Variants in SLC14A2 observed in about 807,000 individuals in gnomAD.
The protein encoded by SLC14A2 is urea transporter 2.
A neutral mutation model predicts 104.6 loss-of-function variants in SLC14A2; 91 were observed. The observed-to-expected ratio is 0.87, with a 90% confidence interval of 0.73 to 1.04. The LOEUF is 1.04. Ranked by LOEUF, SLC14A2 falls within the 50% of genes least tolerant of loss-of-function variation. The probability of loss-of-function intolerance (pLI) is 0.00; values close to 1 mark genes in which losing one functional copy is unlikely to be tolerated. For missense variants in SLC14A2, 1,189 were observed against 1,156.0 expected (o/e 1.03, Z -0.41); for synonymous variants, 476 against 466.4 (o/e 1.02, Z -0.27).
chr18:45,388,333 A>T (rs1196788031), intron 1 of SLC14A2, among the ~76,000 whole-genome samples: 1 of 152,072 alleles, frequency 6.6e-6, no homozygotes, highest in African/African-American at 2.4e-5. Flanking sequence ...AAGTGCTGGG[A>T]TTACAGGCAT....
intron 1 of SLC14A2, among the ~76,000 whole-genome samples, chr18:45,246,911 G>T (rs2084372765): frequency 6.6e-6 from 1 of 152,048 alleles, no homozygotes; most frequent in Admixed American, 6.5e-5. Flanking sequence ...TCAGAGGAGG[G>T]GAATAAGACT....
chr18:45,415,033 A>T (rs2086261708), intron 1 of SLC14A2, among the ~76,000 whole-genome samples: 1 of 151,862 alleles, frequency 6.6e-6, no homozygotes, highest in Non-Finnish European at 1.5e-5. Context: ...TAAACCAAAA[A>T]GGTTATTTTG....
intron 1 of SLC14A2, among the ~76,000 whole-genome samples, chr18:45,448,805 A>T (rs1285798266): frequency 6.6e-6 from 1 of 152,224 alleles, no homozygotes. Flanking sequence ...AAAGAGACAG[A>T]CTGTATTTGC....
Position 45,624,625 on chromosome 18 carries a change from G to C in SLC14A2, c.-34-6G>C. The C allele has an allele frequency of 6.3e-7, 1 of 1,586,320 alleles. No homozygotes were observed. The highest frequency in any genetic ancestry group is 8.6e-7 in the Non-Finnish European group (1 of 1,164,596). ...TCACTAGCTCTTTCCCTTTCCTTCC[G>C]TCTAGTCCATCGATAGAAGAGTGGC... On this transcript the variant is annotated splice_region_variant and splice_polypyrimidine_tract_variant and intron_variant, in intron 1 of 19. Coordinates refer to ENST00000255226, the MANE Select transcript of SLC14A2 (RefSeq NM_007163.4).
Position 45,672,961 on chromosome 18 carries a change from G to C in SLC14A2, c.2291G>C (p.Gly764Ala), listed in dbSNP as rs746143236. 6 of 1,614,158 alleles carry C rather than the reference G, an allele frequency of 3.7e-6. No homozygotes were observed. Among genetic ancestry groups the C allele is most frequent in the Non-Finnish European group, 5.1e-6 (6 of 1,180,012 alleles). The change falls in exon 17 of 20, where the codon GGA (glycine) becomes GCA (alanine). Residue 764 changes from glycine (G) to alanine (A), a missense_variant. Gly to Ala is a moderately conservative substitution (Grantham distance 60, BLOSUM62 0). Transcript: ENST00000255226. ...QVYGCDNPWT[G>A]GIFLIALFIS... ...TACGGCTGTGATAACCCCTGGACTG[G>C]AGGCATCTTCCTCATAGCTCTGTTC...
intron 1 of SLC14A2, among the ~76,000 whole-genome samples, chr18:45,409,539 G>A (rs1399151066): frequency 1.3e-5 from 2 of 152,064 alleles, no homozygotes. Flanking sequence ...TTATAACTTT[G>A]ATAGTGAAAA....
chr18:45,574,372 C>T (rs1203582064), intron 2 of SLC14A2, among the ~76,000 whole-genome samples: 1 of 152,072 alleles, frequency 6.6e-6, no homozygotes, highest in Non-Finnish European at 1.5e-5. Context: ...CCAGAATATC[C>T]CATAGGTCTT....
At chr18:45,294,713 A>G (rs1338255921) in intron 1 of SLC14A2, among the ~76,000 whole-genome samples, 2 of 152,252 alleles carry the variant, frequency 1.3e-5, no homozygotes, top group Admixed American at 1.3e-4. Flanking sequence ...CTCTTCAGAA[A>G]GAAACACACC....
intron 1 of SLC14A2, among the ~76,000 whole-genome samples, chr18:45,353,755 G>A (rs181937369): frequency 7.9e-5 from 12 of 152,258 alleles, no homozygotes; most frequent in East Asian, 5.8e-4. Context: ...TGTGACTCAT[G>A]GTTTTCTTCT....
At chr18:45,245,817 T>A (rs1471809370) in intron 1 of SLC14A2, among the ~76,000 whole-genome samples, 2 of 152,260 alleles carry the variant, frequency 1.3e-5, no homozygotes, top group African/African-American at 4.8e-5. Flanking sequence ...TTTGTATTCA[T>A]GTATTGAGTT....
At chr18:45,454,553 G>A (rs2086910503) in intron 1 of SLC14A2, among the ~76,000 whole-genome samples, 2 of 152,104 alleles carry the variant, frequency 1.3e-5, no homozygotes, top group African/African-American at 4.8e-5. Flanking sequence ...ATTGCTTTTG[G>A]TATTTTAGAC....
At chr18:45,447,119 T>TG in intron 1 of SLC14A2, 2 of 150,724 alleles carry the variant, frequency 1.3e-5, no homozygotes, top group East Asian at 3.9e-4. Flanking sequence ...GGATGGGGGG[T>TG]GGGGGTAGTC....
At chr18:45,490,791 G>T (rs1302187887) in intron 2 of SLC14A2, among the ~76,000 whole-genome samples, 1 of 152,052 alleles carries the variant, frequency 6.6e-6, no homozygotes. Flanking sequence ...AAGACAAACA[G>T]CCCAACAGAA....
intron 18 of SLC14A2, among the ~76,000 whole-genome samples, chr18:45,675,516 G>A: frequency 6.7e-6 from 1 of 150,226 alleles, no homozygotes; most frequent in East Asian, 1.9e-4. Context: ...GCGTTTTACT[G>A]TTGTTGTTGT....
In SLC14A2 at chr18:45,393,925, T is replaced by G. The variant is rs2086000098; in HGVS notation, c.-124-89308T>G. ...ACAGAAGAGGAAACAGACACCTGAG[T>G]CGTCATCATTAGTAAGTGATGGAGA... On this transcript the variant is annotated intron_variant, in intron 1 of 20. Coordinates refer to the SLC14A2 transcript ENST00000586448. Among the ~76,000 whole-genome samples, 5 of 152,150 alleles carry G rather than the reference T, an allele frequency of 3.3e-5. No homozygotes were observed. In the South Asian group the frequency reaches 1.0e-3, roughly 32 times the overall value.
At chr18:45,371,822 A>C (rs1403622580) in intron 1 of SLC14A2, among the ~76,000 whole-genome samples, 1 of 152,154 alleles carries the variant, frequency 6.6e-6, no homozygotes, top group Non-Finnish European at 1.5e-5. Context: ...CAAATACTAA[A>C]CTTTCTACTA....
intron 1 of SLC14A2, among the ~76,000 whole-genome samples, chr18:45,381,667 T>C (rs2144382897): frequency 6.6e-6 from 1 of 152,356 alleles, no homozygotes; most frequent in Admixed American, 6.5e-5. Context: ...ATTTGTATCT[T>C]AATTCAAGTA....
At chr18:45,245,598 C>G (rs2084360879) in intron 1 of SLC14A2, among the ~76,000 whole-genome samples, 1 of 152,232 alleles carries the variant, frequency 6.6e-6, no homozygotes, top group Admixed American at 6.5e-5. Flanking sequence ...CACACTCTGA[C>G]TTGGCCTTTA....
At chr18:45,579,138 G>T (rs139402039) in intron 2 of SLC14A2, among the ~76,000 whole-genome samples, 5 of 152,232 alleles carry the variant, frequency 3.3e-5, no homozygotes, top group African/African-American at 1.2e-4. Flanking sequence ...AAAAGAAAAT[G>T]TCACTTCTGC....
Sources: allele counts gnomAD v4.1 joint callset (sites outside exome capture counted in the v4.1 genomes callset), GRCh38; gene constraint gnomAD v4.1.1; transcripts MANE v1.5; gene names NCBI Gene and HGNC (gene_info 2026-07-23, HGNC 2026-07-21).